CUL1: variants seen among roughly 807,000 people sequenced by gnomAD.
CUL1 encodes cullin-1.
A neutral mutation model predicts 118.0 loss-of-function variants in CUL1; 24 were observed. The observed-to-expected ratio is 0.20, with a 90% CI of 0.15 to 0.29. CUL1 has a LOEUF of 0.29. CUL1 is among the 10% of genes least tolerant of loss of function. The pLI is 1.00. For missense variants in CUL1, 361 were observed against 933.8 expected, an observed-to-expected ratio of 0.39 and a Z score of 7.99; for synonymous variants, 332 against 340.4, an observed-to-expected ratio of 0.98 and a Z score of 0.27.
upstream of CUL1, chr7:148,698,540 G>A (rs994180272): frequency 6.6e-6 from 1 of 152,246 alleles, no homozygotes; most frequent in African/African-American, 2.4e-5. Context: ...CAGGCTCGCA[G>A]GTAGAAGCTT....
At position 148,792,749 on chromosome 7, in the gene CUL1, C is replaced by A; in HGVS notation, c.1830C>A (p.Ile610=). 2.5e-6 allele frequency: 4 copies of A among 1,612,630 alleles called. No homozygotes were observed. The South Asian group carries it at 4.4e-5, about 18-fold the overall frequency. ...TLQASTFQMA[I]LLQYNTEDAY... ...AGGCGTCGACATTCCAGATGGCTAT[C>A]CTGCTTCAGTACAACACGGAAGATG... The change falls in exon 17 of 22, where the codon ATC becomes ATA. Residue 610 remains isoleucine, a synonymous_variant. Coordinates refer to ENST00000325222, the MANE Select transcript of CUL1 (RefSeq NM_003592.3).
At chr7:148,779,038 T>A (rs1473126154) in intron 9 of CUL1, among the ~76,000 whole-genome samples, 1 of 152,220 alleles carries the variant, frequency 6.6e-6, no homozygotes, top group Admixed American at 6.5e-5. Flanking sequence ...ATACCAGCTC[T>A]CCATGAGATG....
intron 6 of CUL1, among the ~76,000 whole-genome samples, 190 bp from the exon 7 acceptor site, chr7:148,760,143 T>C (rs1439652040): frequency 6.6e-6 from 1 of 152,234 alleles, no homozygotes; most frequent in Admixed American, 6.5e-5. Flanking sequence ...TTATACGTCT[T>C]GGATTTTTTT....
chr7:148,699,097 G>A (rs961423705), intron 1 of CUL1, 68 bp downstream of exon 1: 13 of 154,018 alleles, frequency 8.4e-5, no homozygotes, highest in African/African-American at 3.1e-4. Flanking sequence ...GCCCGGCCCC[G>A]AGCCGCGGTG....
chr7:148,719,525 T>A (rs551155120), intron 1 of CUL1, among the ~76,000 whole-genome samples: 1 of 152,324 alleles, frequency 6.6e-6, no homozygotes, highest in South Asian at 2.1e-4. Context: ...TCTAATTAGA[T>A]AATCCTTCTT....
At position 148,791,741 on chromosome 7, in the gene CUL1, C is replaced by T. The variant is rs554421623; in HGVS notation, c.1807-985C>T. Among the ~76,000 whole-genome samples, 3 of 152,330 alleles carry T rather than the reference C, an allele frequency of 2.0e-5. No homozygotes were observed. The South Asian group carries it at 6.2e-4, about 32-fold the overall frequency. ...CTCTTTCCATTGACCAAGGTCTTGC[C>T]GAGAGGCAAGCAGTGACTGACAGTC... On this transcript the variant is annotated intron_variant, in intron 16 of 21. Transcript: ENST00000325222.
chr7:148,716,247 T>A (rs1479985518), intron 1 of CUL1, among the ~76,000 whole-genome samples: 1 of 152,194 alleles, frequency 6.6e-6, no homozygotes, highest in African/African-American at 2.4e-5. Flanking sequence ...CATGCAGACA[T>A]CTTCCTATTT....
intron 9 of CUL1, among the ~76,000 whole-genome samples, chr7:148,776,061 A>G (rs1013291339): frequency 3.3e-5 from 5 of 151,912 alleles, no homozygotes; most frequent in Non-Finnish European, 7.4e-5. Flanking sequence ...GTCAACTGCT[A>G]ATTTGTCAGA....
chr7:148,798,719 C>T (rs765261553), intron 20 of CUL1, 42 bp downstream of exon 20: 23 of 1,523,652 alleles, frequency 1.5e-5, no homozygotes, highest in Admixed American at 5.0e-5. Context: ...CTGTCCCTCA[C>T]GCAGGGATGG....
At chr7:148,792,894 G>A (rs1262625871) in intron 17 of CUL1, 76 bp downstream of exon 17, 35 of 1,060,324 alleles carry the variant, frequency 3.3e-5, no homozygotes, top group Non-Finnish European at 4.7e-5. Flanking sequence ...GGAAAGATAA[G>A]GAAGAGGATA....
intron 1 of CUL1, among the ~76,000 whole-genome samples, chr7:148,716,294 A>G (rs1038599691): frequency 5.3e-5 from 8 of 152,234 alleles, no homozygotes; most frequent in South Asian, 2.1e-4. Context: ...TGTAACTACT[A>G]TAATTTCAAG....
intron 1 of CUL1, among the ~76,000 whole-genome samples, chr7:148,717,891 T>A (rs1057465770): frequency 2.0e-5 from 3 of 152,250 alleles, no homozygotes; most frequent in Non-Finnish European, 4.4e-5. Context: ...GTATGTTTAA[T>A]ATGGCAGCAA....
chr7:148,705,948 T>A (rs953391946), intron 1 of CUL1, among the ~76,000 whole-genome samples: 1 of 152,190 alleles, frequency 6.6e-6, no homozygotes, highest in East Asian at 1.9e-4. Context: ...AGGTTGAGCA[T>A]CCCTAATTTG....
chr7:148,777,719 G>T (rs1353191771), intron 9 of CUL1, among the ~76,000 whole-genome samples: 1 of 151,994 alleles, frequency 6.6e-6, no homozygotes, highest in African/African-American at 2.4e-5. Context: ...AGAGGCTTTG[G>T]GGGAGGAGCA....
At chr7:148,780,643 G>A (rs1289262271) in intron 9 of CUL1, among the ~76,000 whole-genome samples, 1 of 152,190 alleles carries the variant, frequency 6.6e-6, no homozygotes, top group African/African-American at 2.4e-5. Context: ...GGGAAGTTTG[G>A]TGTGGATGTG....
intron 16 of CUL1, among the ~76,000 whole-genome samples, chr7:148,792,081 G>A (rs1241330576): frequency 6.6e-6 from 1 of 152,098 alleles, no homozygotes; most frequent in Admixed American, 6.5e-5. Flanking sequence ...AGCTACTCTG[G>A]AGGCCAAGGC....
chr7:148,757,012 A>G lies in CUL1; in HGVS notation c.345A>G (p.Val115=). 1 of 1,605,196 alleles carries G rather than the reference A, an allele frequency of 6.2e-7. No individual in the cohort carries two copies. The highest frequency in any genetic ancestry group is 1.1e-5 in the South Asian group (1 of 88,724). ...KDGEDLMDES[V]LKFYTQQWED... is the part of the protein sequence containing the mutation. ...GAGAAGATTTGATGGATGAGAGTGT[A>G]CTGAAATTCTACACTCAACAATGGG... Residue 115 remains valine, a synonymous_variant, in exon 4 of 22, where the codon GTA becomes GTG. Coordinates refer to ENST00000325222, the MANE Select transcript of CUL1 (RefSeq NM_003592.3).
chr7:148,756,851 G>C (rs548660056), intron 3 of CUL1, 132 bp from the exon 4 acceptor site: 4 of 491,152 alleles, frequency 8.1e-6, no homozygotes, highest in African/African-American at 4.0e-5. Flanking sequence ...TTTGTATACA[G>C]AATAATTTAA....
At chr7:148,713,344 A>G (rs776127842) in intron 1 of CUL1, among the ~76,000 whole-genome samples, 2 of 152,218 alleles carry the variant, frequency 1.3e-5, no homozygotes, top group Non-Finnish European at 2.9e-5. Context: ...CACCTGTTAA[A>G]TATAATGTGA....
Sources: gnomAD v4.1 joint callset for allele counts (sites outside exome capture counted in the v4.1 genomes callset) on GRCh38, gnomAD v4.1.1 for gene constraint, MANE v1.5 for transcripts, NCBI Gene and HGNC (gene_info 2026-07-23, HGNC 2026-07-21) for gene names.